The following NCF2 variants were observed in gnomAD, a reference collection of about 807,000 sequenced individuals.
The protein encoded by NCF2 is neutrophil cytosol factor 2.
NCF2 carries 45 observed loss-of-function variants against 70.9 expected under a neutral mutation model. That is an observed-to-expected ratio of 0.63 (90% CI 0.50 to 0.81). The LOEUF (loss-of-function observed/expected upper bound fraction) is 0.81, where lower values mean the gene tolerates loss of function less well. Among genes scored for constraint, NCF2 ranks in the 40% least tolerant of loss-of-function variants. The probability of loss-of-function intolerance (pLI) is 0.00; values close to 1 mark genes in which losing one functional copy is unlikely to be tolerated. For synonymous variants in NCF2, 203 were observed against 233.6 expected (o/e 0.87, Z 1.19); for missense variants, 522 against 631.6 (o/e 0.83, Z 1.86).
At chr1:183,569,017 G>C in intron 7 of NCF2, 125 bp downstream of exon 7, 1 of 893,988 alleles carries the variant, frequency 1.1e-6, no homozygotes, top group South Asian at 1.4e-5. Flanking sequence ...GAAGAAGCCT[G>C]ACATTCCAGA....
chr1:183,582,730 G>A (rs537031179), intron 2 of NCF2, among the ~76,000 whole-genome samples: 61 of 152,306 alleles, frequency 4.0e-4, no homozygotes, highest in African/African-American at 1.3e-3. Flanking sequence ...GCCTCTTTAA[G>A]CCAGCTCCAT....
intron 14 of NCF2, among the ~76,000 whole-genome samples, chr1:183,556,576 G>A (rs1327769636): frequency 1.3e-5 from 2 of 152,204 alleles, no homozygotes; most frequent in Non-Finnish European, 1.5e-5. Flanking sequence ...CTGTCACCCA[G>A]GCTGGAGTGC....
intron 10 of NCF2, among the ~76,000 whole-genome samples, chr1:183,564,797 T>G (rs915622246): frequency 6.6e-6 from 1 of 152,238 alleles, no homozygotes; most frequent in Admixed American, 6.5e-5. Context: ...GAATATGGAA[T>G]ATACATTATA....
intron 5 of NCF2, among the ~76,000 whole-genome samples, chr1:183,572,054 A>C (rs1426588655): frequency 2.0e-5 from 3 of 152,224 alleles, no homozygotes; most frequent in Admixed American, 6.5e-5. Context: ...CTCTGCTGCT[A>C]TGCTAGACCC....
chr1:183,563,345 A>G, intron 12 of NCF2, 39 bp from the exon 13 acceptor site: 1 of 1,613,832 alleles, frequency 6.2e-7, no homozygotes, highest in Non-Finnish European at 8.5e-7. Flanking sequence ...GTCAAAGAAC[A>G]TCATCACAAA....
At chr1:183,590,732 T>C (rs901920370), upstream of NCF2, 1 of 264,982 alleles carries the variant, frequency 3.8e-6, no homozygotes, top group Admixed American at 4.8e-5. Flanking sequence ...AAAGTTCTGC[T>C]TCTAGAGCCA....
At chr1:183,581,392 C>T (rs989586451) in intron 2 of NCF2, among the ~76,000 whole-genome samples, 7 of 151,734 alleles carry the variant, frequency 4.6e-5, no homozygotes, top group Middle Eastern at 6.8e-3. Context: ...GCTACTCCGC[C>T]AGAGGCTGGG....
chr1:183,577,077 A>G (rs1287660762), intron 3 of NCF2, among the ~76,000 whole-genome samples: 1 of 152,194 alleles, frequency 6.6e-6, no homozygotes, highest in Non-Finnish European at 1.5e-5. Flanking sequence ...ATTTATGCCA[A>G]ATTATCCTCA....
chr1:183,577,511 G>T (rs536830799), intron 3 of NCF2, 88 bp downstream of exon 3: 2 of 1,066,426 alleles, frequency 1.9e-6, no homozygotes, highest in East Asian at 2.4e-5. Flanking sequence ...GCTCCTGGAG[G>T]TGTCAACAGA....
At chr1:183,566,178 G>T (rs1421721285) in intron 9 of NCF2, among the ~76,000 whole-genome samples, 2 of 152,190 alleles carry the variant, frequency 1.3e-5, no homozygotes, top group East Asian at 3.9e-4. Context: ...TTTGGATATG[G>T]TGACTGACCA....
At chr1:183,562,955 A>C (rs1187836304) in intron 13 of NCF2, among the ~76,000 whole-genome samples, 1 of 152,166 alleles carries the variant, frequency 6.6e-6, no homozygotes. Context: ...ATGGAGGGGC[A>C]GGAGGCTTTC....
At chr1:183,597,099 T>C in the NCF2 span, among the ~76,000 whole-genome samples, 4 of 152,188 alleles carry the variant, frequency 2.6e-5, no homozygotes, top group East Asian at 1.9e-4. Context: ...AAAAGAAATA[T>C]GGTTGATGTG....
At chr1:183,599,696 C>T in the NCF2 span, among the ~76,000 whole-genome samples, 6 of 151,826 alleles carry the variant, frequency 4.0e-5, no homozygotes, top group East Asian at 3.9e-4. Context: ...GGATTACAGG[C>T]GAGCACCACC....
intron 1 of NCF2, 99 bp from the exon 2 acceptor site, chr1:183,587,076 G>A: frequency 8.5e-7 from 1 of 1,175,270 alleles, no homozygotes; most frequent in South Asian, 1.2e-5. Context: ...GTGGTGCCCA[G>A]CTCTGCTGTC....
upstream of NCF2, among the ~76,000 whole-genome samples, chr1:183,591,606 C>T (rs1477199355): frequency 6.6e-6 from 1 of 151,918 alleles, no homozygotes. Flanking sequence ...CCTCAGCCTC[C>T]TGAGTAGCTG....
intron 7 of NCF2, among the ~76,000 whole-genome samples, chr1:183,568,716 G>T (rs1036155130): frequency 6.7e-6 from 1 of 149,196 alleles, no homozygotes; most frequent in Non-Finnish European, 1.5e-5. Context: ...GCCTGCCCCC[G>T]TCAGAGGGGA....
intron 14 of NCF2, among the ~76,000 whole-genome samples, chr1:183,558,771 G>C (rs1671907678): frequency 6.6e-6 from 1 of 151,330 alleles, no homozygotes; most frequent in African/African-American, 2.4e-5. Flanking sequence ...CACCATGTTG[G>C]CCAGGTTGGT....
upstream of NCF2, among the ~76,000 whole-genome samples, chr1:183,594,967 A>G (rs1481900762): frequency 1.3e-5 from 2 of 152,188 alleles, no homozygotes; most frequent in African/African-American, 2.4e-5. Context: ...CCAACTCTCC[A>G]CTGTCCTTCA....
At chr1:183,563,749 CT>C in intron 11 of NCF2, 164 bp from the exon 12 acceptor site, 1 of 894,740 alleles carries the variant, frequency 1.1e-6, no homozygotes. Flanking sequence ...TTCAGAGGTC[CT>C]TTAGCCCAAC....
Sources: allele counts gnomAD v4.1 joint callset (sites outside exome capture counted in the v4.1 genomes callset), GRCh38; gene constraint gnomAD v4.1.1; transcripts MANE v1.5; gene names NCBI Gene and HGNC (gene_info 2026-07-23, HGNC 2026-07-21).